Variants in PPIP5K1 observed in about 807,000 individuals in gnomAD.
PPIP5K1 encodes the protein inositol hexakisphosphate and diphosphoinositol-pentakisphosphate kinase 1.
A neutral mutation model predicts 27.7 loss-of-function variants in PPIP5K1; 6 were observed. That is an observed-to-expected ratio of 0.22 (90% CI 0.12 to 0.43). PPIP5K1 has a LOEUF of 0.43. Ranked by LOEUF, PPIP5K1 falls within the 20% of genes least tolerant of loss-of-function variation. PPIP5K1 has a pLI of 1.00. For missense variants in PPIP5K1, 394 were observed against 635.4 expected, an observed-to-expected ratio of 0.62 and a Z score of 4.08; for synonymous variants, 145 against 242.6, an observed-to-expected ratio of 0.60 and a Z score of 3.74.
Position 43,534,610 on chromosome 15 carries a change from G to A in PPIP5K1, c.*64C>T. On this transcript the variant is annotated 3_prime_UTR_variant, in exon 32 of 32. Transcript: ENST00000420765. ...TGAGGGTTTGGATCACCAGATGGATGCTGGGCTTGAGGAATACCCTCTCCA... is the reference window on the plus strand; with the variant it reads ...TGAGGGTTTGGATCACCAGATGGATACTGGGCTTGAGGAATACCCTCTCCA... 7.1e-7 allele frequency: 1 copy of A among 1,411,316 alleles called. No homozygotes were observed. The allele number at this position is 1,411,316 out of a possible 1,614,324, so 87.4% of individuals were successfully genotyped here.
chr15:43,553,892 G>A lies in PPIP5K1; in HGVS notation c.3556+4903C>T, dbSNP rs141782389. On this transcript the variant is annotated intron_variant, in intron 30 of 31. Coordinates refer to ENST00000420765, the MANE Select transcript of PPIP5K1 (RefSeq NM_001394395.1). ...AATCTCCTGACCTTGTGATCCACCC[G>A]CCTCAGCCTCCCAAAGTGCTGGGAT... is the stretch of plus-strand genomic sequence containing the variant. Among the ~76,000 whole-genome samples the A allele has an allele frequency of 8.8e-3, 1,332 of 151,602 alleles. 11 individuals are homozygous for A. Among genetic ancestry groups the A allele is most frequent in the Non-Finnish European group, 0.015 (1,020 of 67,858 alleles).
intron 31 of PPIP5K1, chr15:43,536,241 A>G (rs574498301): frequency 2.3e-4 from 94 of 402,546 alleles, no homozygotes; most frequent in South Asian, 1.8e-3. Context: ...CAACATGGCA[A>G]AACCTTGTCT....
intron 30 of PPIP5K1, among the ~76,000 whole-genome samples, chr15:43,557,714 G>A (rs1195396696): frequency 6.6e-6 from 1 of 151,514 alleles, no homozygotes; most frequent in African/African-American, 2.4e-5. Context: ...ACCCAGGCTG[G>A]AGCGCAGTGG....
intron 30 of PPIP5K1, among the ~76,000 whole-genome samples, chr15:43,549,973 C>CA (rs1439749561): frequency 1.3e-5 from 2 of 151,952 alleles, no homozygotes; most frequent in African/African-American, 4.8e-5. Flanking sequence ...CCTATCTCAG[C>CA]AAAAAATTAC....
At chr15:43,578,535 C>CA (rs150737493) in intron 11 of PPIP5K1, among the ~76,000 whole-genome samples, 42 of 29,548 alleles carry the variant, frequency 1.4e-3, no homozygotes, top group African/African-American at 1.7e-3. Context: ...GATCCTGTCG[C>CA]AAAAAAAAAA....
At chr15:43,548,991 G>C (rs2140766270) in intron 30 of PPIP5K1, among the ~76,000 whole-genome samples, 1 of 123,652 alleles carries the variant, frequency 8.1e-6, no homozygotes, top group East Asian at 2.6e-4. Context: ...TTGCGCCACT[G>C]CACCCAAGCC....
In PPIP5K1 at chr15:43,533,949, T is replaced by A. The variant is rs2079530191; in HGVS notation, c.*725A>T. 1 of 152,180 alleles carries A rather than the reference T, an allele frequency of 6.6e-6. No individual in the cohort carries two copies. The highest frequency in any genetic ancestry group is 2.4e-5 in the African/African-American group (1 of 41,422). 9.4% of individuals were successfully genotyped at this position (152,180 alleles called of 1,614,324 possible). Reference sequence around the variant, plus strand: ...GAGCTATTGCCCAGAGGAACAGGACTGAGGCAGAAGGGGCACTTGGGGATG... The same window carrying A: ...GAGCTATTGCCCAGAGGAACAGGACAGAGGCAGAAGGGGCACTTGGGGATG... On this transcript the variant is annotated 3_prime_UTR_variant, in exon 32 of 32. Transcript: ENST00000420765.
At chr15:43,559,644 C>G (rs1302996606) in intron 29 of PPIP5K1, among the ~76,000 whole-genome samples, 1 of 151,808 alleles carries the variant, frequency 6.6e-6, no homozygotes. Flanking sequence ...GGCAAATGCC[C>G]TAGAAAAAAG....
At chr15:43,553,564 G>GAA (rs1326557696) in intron 30 of PPIP5K1, among the ~76,000 whole-genome samples, 39 of 151,516 alleles carry the variant, frequency 2.6e-4, no homozygotes, top group African/African-American at 9.0e-4. Context: ...ACTGGTCTCA[G>GAA]ATTCCTGGGC....
intron 30 of PPIP5K1, among the ~76,000 whole-genome samples, chr15:43,556,431 G>A (rs924920966): frequency 1.3e-5 from 2 of 151,742 alleles, no homozygotes; most frequent in African/African-American, 4.8e-5. Flanking sequence ...AAGGTCAGGA[G>A]TCCAAGACCA....
chr15:43,541,519 C>T (rs1487309191), intron 30 of PPIP5K1, among the ~76,000 whole-genome samples: 1 of 152,058 alleles, frequency 6.6e-6, no homozygotes, highest in South Asian at 2.1e-4. Flanking sequence ...GAATTCAAGA[C>T]CAGCCTGGCC....
chr15:43,542,339 T>G (rs62020613), intron 30 of PPIP5K1, among the ~76,000 whole-genome samples: 4 of 150,820 alleles, frequency 2.7e-5, no homozygotes, highest in Non-Finnish European at 5.9e-5. Flanking sequence ...TCACCCATGC[T>G]AGAGTGCTGT....
chr15:43,534,606 G>A lies in PPIP5K1; in HGVS notation c.*68C>T. On this transcript the variant is annotated 3_prime_UTR_variant, in exon 32 of 32. Transcript: ENST00000420765. The stretch of plus-strand genomic sequence containing the variant: ...GCTCTGAGGGTTTGGATCACCAGAT[G>A]GATGCTGGGCTTGAGGAATACCCTC... The A allele has an allele frequency of 7.2e-7, 1 of 1,388,464 alleles. No individual in the cohort carries two copies. The highest frequency in any genetic ancestry group is 9.7e-7 in the Non-Finnish European group (1 of 1,029,342). 86.0% of individuals were successfully genotyped at this position (1,388,464 alleles called of 1,614,324 possible).
chr15:43,559,002 T>G (rs551423552), intron 29 of PPIP5K1, 70 bp from the exon 30 acceptor site: 301 of 1,590,002 alleles, frequency 1.9e-4, no homozygotes, highest in East Asian at 4.5e-4. Flanking sequence ...CAAGGAAGCA[T>G]GGAGAGTCCC....
chr15:43,538,930 G>C (rs1391958709), intron 31 of PPIP5K1, among the ~76,000 whole-genome samples: 1 of 152,182 alleles, frequency 6.6e-6, no homozygotes, highest in Non-Finnish European at 1.5e-5. Flanking sequence ...CTTCCCCAAA[G>C]AGCGCTTTGA....
intron 30 of PPIP5K1, among the ~76,000 whole-genome samples, chr15:43,556,843 A>G (rs1442017786): frequency 6.6e-6 from 1 of 152,220 alleles, no homozygotes; most frequent in Non-Finnish European, 1.5e-5. Flanking sequence ...GGGTGGGGCA[A>G]GAGTGAGTAA....
intron 1 of PPIP5K1, among the ~76,000 whole-genome samples, chr15:43,586,398 AT>A (rs577536020): frequency 1.7e-3 from 3 of 1,730 alleles, no homozygotes; most frequent in African/African-American, 1.6e-3. Flanking sequence ...CAATTTTTGT[AT>A]TTTTTTTTTT....
chr15:43,559,069 G>T, intron 29 of PPIP5K1, 137 bp from the exon 30 acceptor site: 4 of 994,564 alleles, frequency 4.0e-6, no homozygotes, highest in Non-Finnish European at 4.5e-6. Context: ...AAGACTCTTA[G>T]GAGAGGGAAC....
chr15:43,559,392 G>A (rs1253624358), intron 29 of PPIP5K1, among the ~76,000 whole-genome samples: 1 of 152,156 alleles, frequency 6.6e-6, no homozygotes, highest in Non-Finnish European at 1.5e-5. Flanking sequence ...TAAGGAGAAG[G>A]ACATGGAATC....
Sources: allele counts gnomAD v4.1 joint callset (sites outside exome capture counted in the v4.1 genomes callset), GRCh38; gene constraint gnomAD v4.1.1; transcripts MANE v1.5; gene names NCBI Gene and HGNC (gene_info 2026-07-23, HGNC 2026-07-21).